PTTG1: variants seen among roughly 807,000 people sequenced by gnomAD.
PTTG1 encodes securin.
In PTTG1, 8 loss-of-function variants were observed where a neutral mutation model predicts 20.0. The observed-to-expected ratio is 0.40, with a 90% CI of 0.23 to 0.72. The LOEUF (loss-of-function observed/expected upper bound fraction) is 0.72, where lower values mean the gene tolerates loss of function less well. Ranked by LOEUF, PTTG1 falls within the 30% of genes least tolerant of loss-of-function variation. The pLI is 0.38. For synonymous variants in PTTG1, 79 were observed against 87.2 expected, an observed-to-expected ratio of 0.91 and a Z score of 0.52; for missense variants, 197 against 236.0, an observed-to-expected ratio of 0.83 and a Z score of 1.08.
At chr5:160,428,562 G>T in intron 5 of PTTG1, 40 bp from the exon 6 acceptor site, 1 of 1,558,942 alleles carries the variant, frequency 6.4e-7, no homozygotes, top group Non-Finnish European at 8.8e-7. Context: ...AATGACTCAA[G>T]GATTTGCAGA....
intron 1 of PTTG1, 67 bp downstream of exon 1, chr5:160,421,958 G>T: frequency 1.0e-5 from 2 of 194,570 alleles, no homozygotes; most frequent in South Asian, 1.7e-4. Flanking sequence ...GGCGGGCTGC[G>T]GCTGCGGCTG....
chr5:160,428,026 C>T (rs1329635966), intron 5 of PTTG1, among the ~76,000 whole-genome samples, 153 bp downstream of exon 5: 2 of 152,152 alleles, frequency 1.3e-5, no homozygotes, highest in African/African-American at 4.8e-5. Context: ...AAACTATTCT[C>T]GATTAATATT....
At chr5:160,426,667 A>C (rs1158889946) in intron 4 of PTTG1, among the ~76,000 whole-genome samples, 1 of 152,248 alleles carries the variant, frequency 6.6e-6, no homozygotes, top group African/African-American at 2.4e-5. Context: ...ATACAATATC[A>C]AAAGCACATT....
Position 160,422,773 on chromosome 5 carries a change from C to T in PTTG1, c.156C>T (p.Ala52=). The part of the protein sequence containing the change: ...STPRFGKTFD[A]PPALPKATRK... ...CACGTTTTGGCAAAACGTTCGATGC[C>T]CCACCAGCCTTACCTAAAGCTACTA... Residue 52 remains alanine (A), a synonymous_variant, in exon 3 of 6, where the codon GCC becomes GCT. Coordinates refer to ENST00000352433, the MANE Select transcript of PTTG1 (RefSeq NM_004219.4). The T allele has an allele frequency of 6.2e-7, 1 of 1,614,058 alleles. No individual in the cohort carries two copies. The highest frequency in any genetic ancestry group is 8.5e-7 in the Non-Finnish European group (1 of 1,180,002).
rs751375358 is a variant in PTTG1 at position 160,422,639 on chromosome 5, T to C, written c.92-70T>C. ...GTTTGGGGGTGAGAGGTCAAGTTTATATACACAGTATTTAAGTTGTACAGG... is the reference window on the plus strand; with the variant it reads ...GTTTGGGGGTGAGAGGTCAAGTTTACATACACAGTATTTAAGTTGTACAGG... On this transcript the variant is annotated intron_variant, in intron 2 of 5. Transcript: ENST00000352433. 5.1e-6 allele frequency: 8 copies of C among 1,558,062 alleles called. No homozygotes were observed. In the South Asian group the frequency reaches 8.9e-5, roughly 17 times the overall value.
intron 4 of PTTG1, among the ~76,000 whole-genome samples, chr5:160,425,648 G>A (rs755735370): frequency 1.6e-4 from 25 of 152,136 alleles, no homozygotes; most frequent in Middle Eastern, 3.4e-3. Flanking sequence ...ATTAACTTCC[G>A]GTTTGTGTTT....
intron 4 of PTTG1, chr5:160,424,539 A>T: frequency 2.0e-6 from 1 of 488,794 alleles, no homozygotes; most frequent in Admixed American, 3.7e-5. Context: ...AAAGATGTAG[A>T]AGACATTGTT....
rs116614867 is a variant in PTTG1 at position 160,423,333 on chromosome 5, G to A, written c.276+440G>A. Among the ~76,000 whole-genome samples, 1,020 of 152,348 alleles carry A rather than the reference G, an allele frequency of 6.7e-3. 10 individuals carry two copies. Among genetic ancestry groups the A allele is most frequent in the Non-Finnish European group, 9.4e-3 (638 of 68,030 alleles). On this transcript the variant is annotated intron_variant, in intron 3 of 5. Transcript: ENST00000352433. Reference sequence around the variant, plus strand: ...AGCCTTCCAGGGCAAGCAGCAGCTTGTTAGGTGACAATTTGCTAGCATGTT... The same window carrying A: ...AGCCTTCCAGGGCAAGCAGCAGCTTATTAGGTGACAATTTGCTAGCATGTT...
At chr5:160,426,965 C>A (rs551208003) in intron 4 of PTTG1, among the ~76,000 whole-genome samples, 2 of 152,094 alleles carry the variant, frequency 1.3e-5, no homozygotes, top group Non-Finnish European at 2.9e-5. Context: ...TCGCTTGAAC[C>A]CAGGAGGCAG....
intron 5 of PTTG1, among the ~76,000 whole-genome samples, chr5:160,428,116 CACTT>C (rs1364134606): frequency 1.3e-5 from 2 of 152,228 alleles, no homozygotes; most frequent in Non-Finnish European, 2.9e-5. Context: ...GATTAATTCT[CACTT>C]ACATCTTCTT....
Position 160,422,319 on chromosome 5 carries a change from A to G in PTTG1, c.7A>G (p.Thr3Ala). The G allele has an allele frequency of 6.2e-7, 1 of 1,613,224 alleles. No individual in the cohort carries two copies. The highest frequency in any genetic ancestry group is 8.5e-7 in the Non-Finnish European group (1 of 1,179,310). The change falls in exon 2 of 6, where the codon ACT becomes GCT. Residue 3 changes from threonine (T) to alanine (A), a missense_variant. By Grantham distance (58) the Thr-to-Ala change is moderately conservative (BLOSUM62 0). Transcript: ENST00000352433. Reference protein sequence around the residue: MATLIYVDKENGE... With the variant: MAALIYVDKENGE... ...ATTCTTAGAATAATCCAGAATGGCT[A>G]CTCTGATCTATGTTGATAAGGAAAA...
chr5:160,426,196 CACATT>C (rs1260327594), intron 4 of PTTG1, among the ~76,000 whole-genome samples: 3 of 152,092 alleles, frequency 2.0e-5, no homozygotes, highest in African/African-American at 7.2e-5. Flanking sequence ...ACTAAGTAAT[CACATT>C]ACATTAATGT....
intron 4 of PTTG1, among the ~76,000 whole-genome samples, chr5:160,425,338 C>T (rs768801976): frequency 1.3e-5 from 2 of 152,116 alleles, no homozygotes; most frequent in Non-Finnish European, 2.9e-5. Context: ...TGTGGTGCAT[C>T]CGTGCTAATA....
intron 4 of PTTG1, among the ~76,000 whole-genome samples, chr5:160,426,573 ATTC>A (rs1293125022): frequency 6.6e-6 from 1 of 152,206 alleles, no homozygotes; most frequent in Non-Finnish European, 1.5e-5. Flanking sequence ...TGTATCTTAT[ATTC>A]TTGCATCTAT....
chr5:160,423,060 G>A, intron 3 of PTTG1, 167 bp downstream of exon 3: 1 of 704,238 alleles, frequency 1.4e-6, no homozygotes, highest in Non-Finnish European at 2.3e-6. Flanking sequence ...GGACTTCTTG[G>A]TACCTTGAGA....
chr5:160,422,838 C>T lies in PTTG1; in HGVS notation c.221C>T (p.Ser74Phe). The T allele has an allele frequency of 6.2e-7, 1 of 1,614,174 alleles. No homozygotes were observed. The highest frequency in any genetic ancestry group is 8.5e-7 in the Non-Finnish European group (1 of 1,180,038). Residue 74 changes from serine (S) to phenylalanine (F), a missense_variant, in exon 3 of 6, where the codon TCT becomes TTT. By Grantham distance (155) the Ser-to-Phe change is radical. Coordinates refer to ENST00000352433, the MANE Select transcript of PTTG1 (RefSeq NM_004219.4). ...ACTGTCAACAGAGCTACAGAAAAGT[C>T]TGTAAAGACCAAGGGACCCCTCAAA... Reference protein sequence around the residue: ...LGTVNRATEKSVKTKGPLKQK... With the variant: ...LGTVNRATEKFVKTKGPLKQK...
intron 5 of PTTG1, 98 bp downstream of exon 5, chr5:160,427,971 G>A: frequency 7.1e-7 from 1 of 1,416,582 alleles, no homozygotes; most frequent in Non-Finnish European, 9.7e-7. Flanking sequence ...GAGCCTGTGA[G>A]TAATTTCTGT....
chr5:160,428,266 G>A (rs1437628712), intron 5 of PTTG1, among the ~76,000 whole-genome samples: 2 of 152,192 alleles, frequency 1.3e-5, no homozygotes, highest in Admixed American at 1.3e-4. Flanking sequence ...AAGGTCTGAG[G>A]TCTTCGTTTG....
chr5:160,424,091 ATAT>A, intron 3 of PTTG1, 143 bp from the exon 4 acceptor site: 1 of 584,010 alleles, frequency 1.7e-6, no homozygotes, highest in South Asian at 2.3e-5. Context: ...CATTTGAATC[ATAT>A]TATTTGAAGT....
Sources: gnomAD v4.1 joint callset for allele counts (sites outside exome capture counted in the v4.1 genomes callset) on GRCh38, gnomAD v4.1.1 for gene constraint, MANE v1.5 for transcripts, NCBI Gene and HGNC (gene_info 2026-07-23, HGNC 2026-07-21) for gene names.